CADPS: variants seen among roughly 807,000 people sequenced by gnomAD.
CADPS encodes the protein calcium-dependent secretion activator 1.
In CADPS, 57 loss-of-function variants were observed where a neutral mutation model predicts 167.3. That is an observed-to-expected ratio of 0.34 (90% CI 0.28 to 0.42). The LOEUF is 0.42. CADPS is among the 20% of genes least tolerant of loss of function. The probability of loss-of-function intolerance (pLI) is 1.00; values close to 1 mark genes in which losing one functional copy is unlikely to be tolerated. For missense variants in CADPS, 1,414 were observed against 1,738.1 expected (o/e 0.81, Z 3.32); for synonymous variants, 676 against 635.3 (o/e 1.06, Z -0.96).
intron 13 of CADPS, among the ~76,000 whole-genome samples, chr3:62,522,787 AC>A (rs1267238853): frequency 5.9e-5 from 9 of 152,162 alleles, no homozygotes; most frequent in Non-Finnish European, 1.2e-4. Flanking sequence ...ACCTAACTGC[AC>A]ACTGGCTAAC....
intron 3 of CADPS, among the ~76,000 whole-genome samples, chr3:62,664,075 T>C (rs148627425): frequency 3.7e-3 from 557 of 151,956 alleles, no homozygotes; most frequent in Middle Eastern, 0.024. Flanking sequence ...TGGTGTGATC[T>C]CGGCTCACTG....
At chr3:62,788,296 G>A (rs17067188) in intron 1 of CADPS, among the ~76,000 whole-genome samples, 7,190 of 152,158 alleles carry the variant, frequency 0.047, 573 homozygotes, top group African/African-American at 0.16. Flanking sequence ...ATAACCATAC[G>A]TATTGTTACT....
At position 62,531,112 on chromosome 3, in the gene CADPS, T is replaced by G. The variant is rs529634531; in HGVS notation, c.2291+1759A>C. On this transcript the variant is annotated intron_variant, in intron 13 of 29. Transcript: ENST00000383710. The stretch of plus-strand genomic sequence containing the variant: ...TCCAGACAATGTGTATCATAATTCA[T>G]GATGATGTTTACCAGGGAGTTTACA... 5.7e-4 allele frequency among the ~76,000 whole-genome samples: 87 copies of G among 152,344 alleles called. 2 individuals are homozygous for G. In the South Asian group the frequency reaches 0.017, roughly 30 times the overall value.
intron 6 of CADPS, among the ~76,000 whole-genome samples, chr3:62,597,585 G>A (rs1405045542): frequency 6.6e-6 from 1 of 152,132 alleles, no homozygotes; most frequent in Admixed American, 6.6e-5. Flanking sequence ...TACCAACCCA[G>A]GATGCCTGAA....
intron 24 of CADPS, among the ~76,000 whole-genome samples, chr3:62,472,911 C>T (rs540340595): frequency 1.2e-4 from 18 of 152,324 alleles, no homozygotes; most frequent in African/African-American, 3.8e-4. Flanking sequence ...ATCAGTGGTT[C>T]TCATAGTGTG....
intron 4 of CADPS, among the ~76,000 whole-genome samples, chr3:62,655,778 T>C (rs115805361): frequency 2.9e-3 from 437 of 152,218 alleles, no homozygotes; most frequent in African/African-American, 1.0e-2. Flanking sequence ...TCACTGACAG[T>C]GCTGCAGCTA....
At chr3:62,638,157 A>C (rs1316927792) in intron 6 of CADPS, among the ~76,000 whole-genome samples, 1 of 151,780 alleles carries the variant, frequency 6.6e-6, no homozygotes. Flanking sequence ...AGAGTTAAGC[A>C]GCCTGCCCAC....
intron 3 of CADPS, among the ~76,000 whole-genome samples, chr3:62,680,072 G>A (rs1448367623): frequency 6.6e-6 from 1 of 151,962 alleles, no homozygotes. Context: ...CTTAGGAAGG[G>A]AGCACCGTAA....
intron 10 of CADPS, among the ~76,000 whole-genome samples, chr3:62,556,776 C>T (rs370426849): frequency 1.4e-4 from 21 of 151,680 alleles, no homozygotes; most frequent in East Asian, 3.9e-4. Context: ...GAAATACTAC[C>T]GCTCGTGTAG....
At chr3:62,451,240 C>T (rs894010154) in intron 26 of CADPS, among the ~76,000 whole-genome samples, 1 of 152,012 alleles carries the variant, frequency 6.6e-6, no homozygotes, top group Non-Finnish European at 1.5e-5. Context: ...TTTTCAGGTG[C>T]CCAAGGTAAT....
intron 3 of CADPS, among the ~76,000 whole-genome samples, chr3:62,675,019 T>C (rs1434267915): frequency 6.6e-6 from 1 of 152,220 alleles, no homozygotes; most frequent in East Asian, 1.9e-4. Flanking sequence ...GAAATCTCAG[T>C]TGCTTAACAC....
At chr3:62,538,486 G>A (rs1315695151) in intron 11 of CADPS, among the ~76,000 whole-genome samples, 1 of 152,076 alleles carries the variant, frequency 6.6e-6, no homozygotes, top group East Asian at 1.9e-4. Context: ...TAAGCATGGG[G>A]TACACACGAA....
At chr3:62,425,331 C>A (rs183862878) in intron 28 of CADPS, among the ~76,000 whole-genome samples, 1 of 152,118 alleles carries the variant, frequency 6.6e-6, no homozygotes, top group Admixed American at 6.5e-5. Context: ...TAGCACCCTC[C>A]CGCCACCAAT....
intron 28 of CADPS, among the ~76,000 whole-genome samples, chr3:62,418,104 AC>A (rs1356624083): frequency 2.0e-5 from 3 of 152,134 alleles, no homozygotes; most frequent in African/African-American, 7.2e-5. Flanking sequence ...ACTTCTCCTA[AC>A]AACCTTAAGA....
rs376958788 is a variant in CADPS at position 62,557,558 on chromosome 3, C to G, written c.1645-45G>C. On this transcript the variant is annotated intron_variant, in intron 9 of 29. Coordinates refer to ENST00000383710, the MANE Select transcript of CADPS (RefSeq NM_003716.4). ...TGTGAGGTTGACCCCTGGAGCCTGT[C>G]TTCTCCAAAAAACCCTCCCCCATGT... is the stretch of plus-strand genomic sequence containing the variant. The G allele has an allele frequency of 6.1e-6, 9 of 1,479,456 alleles. No homozygotes were observed. In the East Asian group the frequency reaches 1.4e-4, roughly 22 times the overall value. 91.6% of individuals were successfully genotyped at this position (1,479,456 alleles called of 1,614,324 possible).
At chr3:62,837,619 C>A (rs955463384) in intron 1 of CADPS, among the ~76,000 whole-genome samples, 6 of 152,098 alleles carry the variant, frequency 3.9e-5, no homozygotes, top group African/African-American at 1.4e-4. Context: ...TCATGTTTCA[C>A]AATGAATTAT....
intron 5 of CADPS, among the ~76,000 whole-genome samples, chr3:62,647,208 G>A (rs890231425): frequency 6.6e-6 from 1 of 152,282 alleles, no homozygotes; most frequent in South Asian, 2.1e-4. Context: ...TACACAAGAA[G>A]AAGAATGTGA....
At chr3:62,467,062 C>A (rs1376273920) in intron 24 of CADPS, among the ~76,000 whole-genome samples, 1 of 152,144 alleles carries the variant, frequency 6.6e-6, no homozygotes, top group East Asian at 1.9e-4. Context: ...TTTTAAATTT[C>A]TCTAACTGTG....
rs566075390 is a variant in CADPS at position 62,726,346 on chromosome 3, A to G, written c.888+27095T>C. On this transcript the variant is annotated intron_variant, in intron 3 of 29. Coordinates refer to ENST00000383710, the MANE Select transcript of CADPS (RefSeq NM_003716.4). ...TTCCTTCATTTCTCCTCATAGCATA[A>G]GTAATGGATTTGTACCTCCTTGACT... Among the ~76,000 whole-genome samples the G allele has an allele frequency of 1.2e-3, 188 of 152,022 alleles. 5 individuals are homozygous for G. Among genetic ancestry groups the G allele is most frequent in the Admixed American group, 0.011 (169 of 15,290 alleles).
Sources: gnomAD v4.1 joint callset for allele counts (sites outside exome capture counted in the v4.1 genomes callset) on GRCh38, gnomAD v4.1.1 for gene constraint, MANE v1.5 for transcripts, NCBI Gene and HGNC (gene_info 2026-07-23, HGNC 2026-07-21) for gene names.